The following PCDH15 variants were observed in gnomAD, a reference collection of about 807,000 sequenced individuals.
PCDH15 encodes protocadherin-15.
In PCDH15, 129 loss-of-function variants were observed where a neutral mutation model predicts 178.5. The ratio of observed to expected loss-of-function variants is 0.72; its 90% CI spans 0.63 to 0.84. The LOEUF (loss-of-function observed/expected upper bound fraction) is 0.84, where lower values mean the gene tolerates loss of function less well. PCDH15 is among the 40% of genes least tolerant of loss of function. The pLI, the probability that PCDH15 is intolerant of heterozygous loss-of-function variation, is 0.00. For missense variants in PCDH15, 2,230 were observed against 2,099.9 expected (o/e 1.06, Z -1.21); for synonymous variants, 800 against 732.0 (o/e 1.09, Z -1.50).
chr10:54,713,253 T>C (rs2095444403), intron 1 of PCDH15, among the ~76,000 whole-genome samples: 1 of 151,902 alleles, frequency 6.6e-6, no homozygotes, highest in East Asian at 1.9e-4. Flanking sequence ...ACACAGGGCC[T>C]GATTTCAAGT....
intron 2 of PCDH15, among the ~76,000 whole-genome samples, chr10:55,517,720 T>G (rs1841053946): frequency 6.6e-6 from 1 of 152,150 alleles, no homozygotes; most frequent in Non-Finnish European, 1.5e-5. Flanking sequence ...CGCAGCTTAT[T>G]TCTAGTAGCC....
chr10:54,123,217 G>T (rs555982199), intron 15 of PCDH15, among the ~76,000 whole-genome samples: 1 of 151,976 alleles, frequency 6.6e-6, no homozygotes, highest in African/African-American at 2.4e-5. Context: ...AGAAACCATC[G>T]ACAGAGTGAA....
At chr10:55,005,575 G>T (rs967286348) in intron 2 of PCDH15, among the ~76,000 whole-genome samples, 1 of 151,896 alleles carries the variant, frequency 6.6e-6, no homozygotes, top group Admixed American at 6.6e-5. Context: ...TCATAGATTT[G>T]TTTTTTCCCA....
intron 2 of PCDH15, among the ~76,000 whole-genome samples, chr10:54,979,725 A>C (rs1414587094): frequency 6.6e-6 from 1 of 152,024 alleles, no homozygotes; most frequent in Non-Finnish European, 1.5e-5. Context: ...ATGGATAAAG[A>C]AAATGTGATA....
chr10:54,518,636 G>T (rs941079185), intron 3 of PCDH15, among the ~76,000 whole-genome samples: 1 of 152,168 alleles, frequency 6.6e-6, no homozygotes, highest in Non-Finnish European at 1.5e-5. Flanking sequence ...AGAGGTACAA[G>T]GAGGAGCTGG....
intron 1 of PCDH15, among the ~76,000 whole-genome samples, chr10:55,223,054 T>C (rs555303392): frequency 6.6e-6 from 1 of 152,200 alleles, no homozygotes; most frequent in Admixed American, 6.5e-5. Flanking sequence ...GGGAAGGTTT[T>C]ATACCTGTGC....
At chr10:54,454,796 T>A (rs2076713109) in intron 3 of PCDH15, among the ~76,000 whole-genome samples, 2 of 152,192 alleles carry the variant, frequency 1.3e-5, no homozygotes, top group South Asian at 4.1e-4. Flanking sequence ...ATCGTGCAAG[T>A]ATATCTAGGT....
At chr10:54,062,657 C>T (rs2094054493) in intron 18 of PCDH15, among the ~76,000 whole-genome samples, 1 of 151,686 alleles carries the variant, frequency 6.6e-6, no homozygotes, top group Non-Finnish European at 1.5e-5. Flanking sequence ...GTCCATATTT[C>T]AATTTTAAAA....
intron 1 of PCDH15, among the ~76,000 whole-genome samples, chr10:55,180,629 G>A (rs892521258): frequency 2.0e-5 from 3 of 152,098 alleles, no homozygotes; most frequent in African/African-American, 7.2e-5. Context: ...AATTAGATGA[G>A]AATATGTCTT....
intron 16 of PCDH15, among the ~76,000 whole-genome samples, chr10:54,087,905 A>G (rs993496224): frequency 3.9e-5 from 6 of 152,058 alleles, no homozygotes; most frequent in African/African-American, 1.4e-4. Flanking sequence ...TGCCTGTTTA[A>G]AAGTGCGTGG....
intron 2 of PCDH15, among the ~76,000 whole-genome samples, chr10:54,610,941 G>A (rs1469016581): frequency 6.6e-6 from 1 of 151,608 alleles, no homozygotes; most frequent in Non-Finnish European, 1.5e-5. Flanking sequence ...TCATTTTATT[G>A]CTTATTTTGG....
chr10:53,994,281 C>T (rs2091708616), intron 21 of PCDH15, among the ~76,000 whole-genome samples: 1 of 152,126 alleles, frequency 6.6e-6, no homozygotes, highest in Admixed American at 6.5e-5. Context: ...CTTTTAATCT[C>T]TCATCATTAA....
intron 2 of PCDH15, among the ~76,000 whole-genome samples, chr10:55,541,895 A>G (rs1244698098): frequency 2.0e-5 from 3 of 151,890 alleles, no homozygotes; most frequent in Non-Finnish European, 2.9e-5. Flanking sequence ...CCAAACCATA[A>G]GAAAGAAAGT....
intron 1 of PCDH15, among the ~76,000 whole-genome samples, chr10:55,176,851 T>C (rs1436275415): frequency 6.6e-6 from 1 of 152,140 alleles, no homozygotes; most frequent in South Asian, 2.1e-4. Flanking sequence ...GCAACCAGAC[T>C]ACCCAGCTAA....
intron 27 of PCDH15, among the ~76,000 whole-genome samples, chr10:53,861,531 T>A (rs1217887580): frequency 6.6e-6 from 1 of 152,112 alleles, no homozygotes; most frequent in African/African-American, 2.4e-5. Context: ...AATAGTGCTG[T>A]CCAATAGAAA....
At chr10:53,965,191 G>A (rs1419671683) in intron 21 of PCDH15, among the ~76,000 whole-genome samples, 4 of 151,800 alleles carry the variant, frequency 2.6e-5, no homozygotes, top group Admixed American at 1.3e-4. Flanking sequence ...TCAGGCAGCT[G>A]GGACTACACG....
intron 1 of PCDH15, among the ~76,000 whole-genome samples, chr10:55,218,683 T>C (rs558908254): frequency 6.6e-6 from 1 of 152,126 alleles, no homozygotes; most frequent in East Asian, 1.9e-4. Context: ...TTTGTTGAGA[T>C]CAATATTTGC....
intron 2 of PCDH15, among the ~76,000 whole-genome samples, chr10:55,114,298 C>T (rs555202342): frequency 1.3e-5 from 2 of 152,162 alleles, no homozygotes; most frequent in African/African-American, 4.8e-5. Flanking sequence ...CAATTGCTAG[C>T]CTTTGACTAA....
chr10:54,000,257 G>A (rs967812484), intron 20 of PCDH15, among the ~76,000 whole-genome samples: 5 of 151,964 alleles, frequency 3.3e-5, no homozygotes, highest in Admixed American at 6.6e-5. Flanking sequence ...AATACCCAAC[G>A]CTTAAATGCC....
Sources: allele counts gnomAD v4.1 joint callset (sites outside exome capture counted in the v4.1 genomes callset), GRCh38; gene constraint gnomAD v4.1.1; transcripts MANE v1.5; gene names NCBI Gene and HGNC (gene_info 2026-07-23, HGNC 2026-07-21).